HPCAL1: variants seen among roughly 807,000 people sequenced by gnomAD.
The protein encoded by HPCAL1 is hippocalcin like 1.
Under a neutral mutation model 17.1 loss-of-function variants are expected in HPCAL1, and 8 were observed. The ratio of observed to expected loss-of-function variants is 0.47; its 90% CI spans 0.27 to 0.84. HPCAL1 has a LOEUF of 0.84. HPCAL1 is among the 40% of genes least tolerant of loss of function. The pLI is 0.13. For missense variants in HPCAL1, 165 were observed against 271.1 expected (o/e 0.61, Z 2.75); for synonymous variants, 112 against 111.4 (o/e 1.01, Z -0.03).
Position 10,304,199 on chromosome 2 carries a change from C to T in HPCAL1, c.-111+1022C>T, listed in dbSNP as rs1211186145. Among the ~76,000 whole-genome samples the T allele has an allele frequency of 1.3e-5, 2 of 151,834 alleles. No homozygotes were observed. Among genetic ancestry groups the T allele is most frequent in the African/African-American group, 4.8e-5 (2 of 41,348 alleles). ...CGCCGGCCCTGCCCCAGCCCCCAGG[C>T]TCCCGCGCAAGCGTGGGGGTCCCTC... On this transcript the variant is annotated intron_variant, in intron 1 of 4. Coordinates refer to ENST00000307845, the MANE Select transcript of HPCAL1 (RefSeq NM_002149.4). The surrounding 1 kb of genome is among the most constrained non-coding windows in gnomAD (Gnocchi z 4.1).
chr2:10,373,514 T>G lies in HPCAL1; in HGVS notation c.-110-23321T>G, dbSNP rs142316152. 5.9e-3 allele frequency among the ~76,000 whole-genome samples: 892 copies of G among 152,282 alleles called. 4 individuals are homozygous for G. The highest frequency in any genetic ancestry group is 0.01 in the Middle Eastern group (3 of 294). Reference sequence around the variant, plus strand: ...AGAAATGTTCCTAGAAACTGGAGATTGGGTGCTCAGCGGATCTCAGGATAG... The same window carrying G: ...AGAAATGTTCCTAGAAACTGGAGATGGGGTGCTCAGCGGATCTCAGGATAG... On this transcript the variant is annotated intron_variant, in intron 1 of 4. Coordinates refer to ENST00000307845, the MANE Select transcript of HPCAL1 (RefSeq NM_002149.4).
chr2:10,307,027 G>T (rs1662671326), intron 1 of HPCAL1, among the ~76,000 whole-genome samples: 1 of 152,178 alleles, frequency 6.6e-6, no homozygotes, highest in Non-Finnish European at 1.5e-5. Flanking sequence ...GGTTGTCTGG[G>T]TATTTGGATC....
At chr2:10,398,295 G>A (rs929279962) in intron 2 of HPCAL1, among the ~76,000 whole-genome samples, 1 of 152,206 alleles carries the variant, frequency 6.6e-6, no homozygotes, top group Admixed American at 6.5e-5. Context: ...AAGGATTAAA[G>A]TCCTCCAAGT....
chr2:10,423,095 C>A lies in HPCAL1; in HGVS notation c.484+7C>A. ...ATGGACACCAACAATGACGGTAGTGCGGGGTGGGGGCGGGGCTGCATGTGT... is the reference window on the plus strand; with the variant it reads ...ATGGACACCAACAATGACGGTAGTGAGGGGTGGGGGCGGGGCTGCATGTGT... On this transcript the variant is annotated splice_region_variant and intron_variant, in intron 4 of 4. Transcript: ENST00000307845. The A allele has an allele frequency of 6.9e-7, 1 of 1,453,492 alleles. No individual in the cohort carries two copies. The highest frequency in any genetic ancestry group is 9.7e-7 in the Non-Finnish European group (1 of 1,035,988). 90.0% of individuals were successfully genotyped at this position (1,453,492 alleles called of 1,614,324 possible).
At chr2:10,368,161 T>C (rs909768880) in intron 1 of HPCAL1, among the ~76,000 whole-genome samples, 1 of 151,810 alleles carries the variant, frequency 6.6e-6, no homozygotes, top group African/African-American at 2.4e-5. Flanking sequence ...TGTAGGTGTG[T>C]GTGTGCATTG....
chr2:10,371,149 G>A (rs1021423836), intron 1 of HPCAL1, among the ~76,000 whole-genome samples: 5 of 152,190 alleles, frequency 3.3e-5, no homozygotes, highest in African/African-American at 1.2e-4. Context: ...CAGGCAGGGC[G>A]GGTTTGGGGT....
At chr2:10,348,171 C>T (rs935361356) in intron 1 of HPCAL1, among the ~76,000 whole-genome samples, 6 of 152,112 alleles carry the variant, frequency 3.9e-5, no homozygotes, top group Admixed American at 2.0e-4. Flanking sequence ...GGGGCCAGCC[C>T]GGGCACAGTG....
chr2:10,320,666 A>G (rs1663619873), intron 1 of HPCAL1, among the ~76,000 whole-genome samples: 1 of 152,216 alleles, frequency 6.6e-6, no homozygotes, highest in African/African-American at 2.4e-5. Flanking sequence ...CCGGGCCTGG[A>G]GAGAGAATCC....
rs575129027 is a variant in HPCAL1, at chr2:10,346,285, T to G, written c.-111+43108T>G. 6.6e-5 allele frequency among the ~76,000 whole-genome samples: 10 copies of G among 152,040 alleles called. No individual in the cohort carries two copies. In the South Asian group the frequency reaches 1.9e-3, roughly 28 times the overall value. On this transcript the variant is annotated intron_variant, in intron 1 of 4. Coordinates refer to ENST00000307845, the MANE Select transcript of HPCAL1 (RefSeq NM_002149.4). ...CCATGGGGAGCCTCCTGGTATTCTG[T>G]CTCGAGGCTCTGGGGATATGGTGGG...
At chr2:10,400,028 G>A (rs1318335502) in intron 2 of HPCAL1, among the ~76,000 whole-genome samples, 2 of 152,224 alleles carry the variant, frequency 1.3e-5, no homozygotes, top group Non-Finnish European at 2.9e-5. Context: ...AGCTGGAAAG[G>A]GGATAAAGAA....
rs187442338 is a variant in HPCAL1, at chr2:10,344,995, C to T, written c.-111+41818C>T. 8.7e-4 allele frequency among the ~76,000 whole-genome samples: 132 copies of T among 152,234 alleles called. 1 individual carries two copies. Among genetic ancestry groups the T allele is most frequent in the African/African-American group, 3.1e-3 (128 of 41,536 alleles). ...TCTCTCTTTTTCTGTGTGTCTCTCT[C>T]TCTGTGCCTTTCAGTCTCTTTCTGC... On this transcript the variant is annotated intron_variant, in intron 1 of 4. Transcript: ENST00000307845. The surrounding 1 kb of genome is among the most constrained non-coding windows in gnomAD (Gnocchi z 4.9).
chr2:10,368,731 G>C (rs1374737662), intron 1 of HPCAL1: 2 of 152,244 alleles, frequency 1.3e-5, no homozygotes, highest in East Asian at 1.9e-4. Flanking sequence ...GGGCACCGGG[G>C]CTCAAGGTCA....
At chr2:10,425,890 C>G (rs2148052057) in intron 4 of HPCAL1, 1 of 152,518 alleles carries the variant, frequency 6.6e-6, no homozygotes, top group African/African-American at 2.4e-5. Flanking sequence ...GAGGGACCGC[C>G]TCCTGCCCTT....
At chr2:10,322,431 A>T in intron 1 of HPCAL1, among the ~76,000 whole-genome samples, 1 of 152,234 alleles carries the variant, frequency 6.6e-6, no homozygotes, top group East Asian at 1.9e-4. Flanking sequence ...GCAGGACAGC[A>T]GGTGCAAGGG....
rs1662454867 is a variant in HPCAL1 at position 10,304,086 on chromosome 2, G to A, written c.-111+909G>A. On this transcript the variant is annotated intron_variant, in intron 1 of 4. Transcript: ENST00000307845. This position sits in a 1 kb window ranked among gnomAD's most constrained non-coding sequence, Gnocchi z 4.1. ...ACTTAACCGCGAAGCACTGAGATTC[G>A]AGAAAGTTTAGCTGCCAGCTGCGCT... 6.6e-6 allele frequency: 1 copy of A among 152,180 alleles called. No homozygotes were observed. Among genetic ancestry groups the A allele is most frequent in the Non-Finnish European group, 1.5e-5 (1 of 68,030 alleles). 9.4% of individuals were successfully genotyped at this position (152,180 alleles called of 1,614,324 possible).
At chr2:10,339,183 C>G (rs868674763) in intron 1 of HPCAL1, among the ~76,000 whole-genome samples, 1 of 152,154 alleles carries the variant, frequency 6.6e-6, no homozygotes, top group African/African-American at 2.4e-5. Flanking sequence ...GATAGGGTCT[C>G]GCTGTGTCAC....
chr2:10,372,678 G>A (rs1160343432), intron 1 of HPCAL1, among the ~76,000 whole-genome samples: 1 of 152,216 alleles, frequency 6.6e-6, no homozygotes, highest in Non-Finnish European at 1.5e-5. Context: ...CCCGGAGGGT[G>A]GCGTGGGTCC....
intron 1 of HPCAL1, among the ~76,000 whole-genome samples, chr2:10,366,255 G>T (rs1470441195): frequency 6.6e-6 from 1 of 151,958 alleles, no homozygotes; most frequent in Non-Finnish European, 1.5e-5. Context: ...AATTTTTTTT[G>T]AGACAGTTCT....
chr2:10,389,979 G>C (rs1668585678), intron 1 of HPCAL1, among the ~76,000 whole-genome samples: 1 of 152,250 alleles, frequency 6.6e-6, no homozygotes, highest in African/African-American at 2.4e-5. Context: ...AGTGGTCATA[G>C]ACAGTAGATT....
Sources: allele counts gnomAD v4.1 joint callset (sites outside exome capture counted in the v4.1 genomes callset), GRCh38; gene constraint gnomAD v4.1.1; non-coding constraint Gnocchi (gnomAD v3.1); transcripts MANE v1.5; gene names NCBI Gene and HGNC (gene_info 2026-07-23, HGNC 2026-07-21).